Variants in SCN11A observed in about 807,000 individuals in gnomAD.
The protein encoded by SCN11A is sodium channel protein type 11 subunit alpha.
Under a neutral mutation model 162.2 loss-of-function variants are expected in SCN11A, and 122 were observed. The ratio of observed to expected loss-of-function variants is 0.75; its 90% CI spans 0.65 to 0.87. The LOEUF (loss-of-function observed/expected upper bound fraction) is 0.87, where lower values mean the gene tolerates loss of function less well. Ranked by LOEUF, SCN11A falls within the 40% of genes least tolerant of loss-of-function variation. The pLI is 0.00. For synonymous variants in SCN11A, 758 were observed against 751.5 expected, an observed-to-expected ratio of 1.01 and a Z score of -0.14; for missense variants, 2,015 against 2,181.6, an observed-to-expected ratio of 0.92 and a Z score of 1.52.
rs1553644472 is a variant in SCN11A at position 38,950,078 on chromosome 3, C to CCCCCCCCCCCCCCCCCCCG, written c.267+17_267+18insCGGGGGGGGGGGGGGGGGG. The CCCCCCCCCCCCCCCCCCCG allele has an allele frequency of 3.6e-5, 5 of 140,542 alleles. No individual in the cohort carries two copies. Among genetic ancestry groups the CCCCCCCCCCCCCCCCCCCG allele is most frequent in the Non-Finnish European group, 6.1e-5 (4 of 65,584 alleles). 8.7% of individuals were successfully genotyped at this position (140,542 alleles called of 1,614,324 possible). A position where few individuals can be genotyped will look rare whatever the true frequency, so the allele number is the denominator to read the frequency against. On this transcript the variant is annotated intron_variant, in intron 5 of 29. Transcript: ENST00000302328. ...GAACACCCCCACCCCCACCCCCCCC[C>CCCCCCCCCCCCCCCCCCCG]CCCGCCCAATGAAGTACCTTATGAT...
intron 2 of SCN11A, among the ~76,000 whole-genome samples, chr3:38,962,843 G>A (rs147526372): frequency 5.9e-4 from 90 of 151,596 alleles, no homozygotes; most frequent in African/African-American, 2.1e-3. Context: ...GTGAAACTCC[G>A]TCTAAAAATA....
At chr3:38,896,753 T>A (rs961662629) in intron 18 of SCN11A, 92 bp downstream of exon 18, 3 of 1,030,822 alleles carry the variant, frequency 2.9e-6, no homozygotes, top group Non-Finnish European at 4.0e-6. Flanking sequence ...AGAATAATAA[T>A]TTTTACTAGT....
intron 7 of SCN11A, among the ~76,000 whole-genome samples, chr3:38,935,711 G>T (rs1417371973): frequency 1.3e-5 from 2 of 152,122 alleles, no homozygotes; most frequent in Non-Finnish European, 1.5e-5. Context: ...CCAATAACAG[G>T]CTCTGAAACT....
chr3:38,882,470 C>T (rs1014794876), intron 22 of SCN11A, among the ~76,000 whole-genome samples: 1 of 152,080 alleles, frequency 6.6e-6, no homozygotes, highest in African/African-American at 2.4e-5. Flanking sequence ...TATTATTTAG[C>T]TCCACATTAC....
rs184482951 is a variant in SCN11A at position 38,908,703 on chromosome 3, T to C, written c.1299+294A>G. Among the ~76,000 whole-genome samples, 820 of 152,250 alleles carry C rather than the reference T, an allele frequency of 5.4e-3. 9 individuals are homozygous for C. Among genetic ancestry groups the C allele is most frequent in the African/African-American group, 0.019 (776 of 41,552 alleles). On this transcript the variant is annotated intron_variant, in intron 13 of 29. Transcript: ENST00000302328. ...CACAGCCTGGATTTACATATACTTA[T>C]GTTGTATCGTCTAGTCAGTAATTTA...
At position 38,908,712 on chromosome 3, in the gene SCN11A, G is replaced by A. The variant is rs9848916; in HGVS notation, c.1299+285C>T. 0.014 allele frequency among the ~76,000 whole-genome samples: 2,136 copies of A among 152,218 alleles called. 46 individuals are homozygous for A. Among genetic ancestry groups the A allele is most frequent in the African/African-American group, 0.047 (1,965 of 41,532 alleles). ...GATTTACATATACTTATGTTGTATC[G>A]TCTAGTCAGTAATTTAGGGCATGTC... On this transcript the variant is annotated intron_variant, in intron 13 of 29. Transcript: ENST00000302328.
At chr3:38,910,440 G>A (rs528893338) in intron 11 of SCN11A, among the ~76,000 whole-genome samples, 3 of 152,292 alleles carry the variant, frequency 2.0e-5, no homozygotes, top group East Asian at 3.9e-4. Context: ...ACAGTGACAC[G>A]TGAACAATGA....
At chr3:39,010,443 A>ATCTC (rs771115461) in intron 2 of SCN11A, among the ~76,000 whole-genome samples, 76 of 147,606 alleles carry the variant, frequency 5.1e-4, no homozygotes, top group Admixed American at 1.0e-3. Context: ...GCAGTGGCGC[A>ATCTC]TCTCTGCTCA....
At chr3:38,976,639 T>C (rs1008629320) in intron 2 of SCN11A, among the ~76,000 whole-genome samples, 1 of 152,198 alleles carries the variant, frequency 6.6e-6, no homozygotes, top group Admixed American at 6.5e-5. Flanking sequence ...TCCCAAGTAT[T>C]TTGGATAAGG....
chr3:38,916,764 C>G (rs772892939), intron 11 of SCN11A, among the ~76,000 whole-genome samples: 2 of 152,110 alleles, frequency 1.3e-5, no homozygotes, highest in Non-Finnish European at 2.9e-5. Context: ...TCTACTGGAA[C>G]CTCCTACTTA....
chr3:39,036,008 C>T (rs567519948), intron 1 of SCN11A, among the ~76,000 whole-genome samples: 133 of 152,344 alleles, frequency 8.7e-4, no homozygotes, highest in African/African-American at 3.1e-3. Flanking sequence ...ACCAGGTGGT[C>T]TGGTCCCCTG....
intron 26 of SCN11A, among the ~76,000 whole-genome samples, chr3:38,870,279 G>T (rs2065104125): frequency 6.6e-6 from 1 of 152,160 alleles, no homozygotes; most frequent in African/African-American, 2.4e-5. Context: ...CCATGCGAGG[G>T]TCTCCCTTGC....
rs2065865419 is a variant in SCN11A at position 38,910,124 on chromosome 3, G to T, written c.1043C>A (p.Ser348Tyr). 3 of 1,613,850 alleles carry T rather than the reference G, an allele frequency of 1.9e-6. No homozygotes were observed. Among genetic ancestry groups the T allele is most frequent in the Non-Finnish European group, 2.5e-6 (3 of 1,179,888 alleles). Residue 348 changes from serine (S) to tyrosine (Y), a missense_variant, in exon 12 of 30, where the codon TCT becomes TAT. Coordinates refer to ENST00000302328, the MANE Select transcript of SCN11A (RefSeq NM_001349253.2). Reference sequence around the variant, plus strand: ...CATCAGCCGGAACATGGCAAGAAAAGACCAGCCAAAGTTGTCAAAATTCGT... The same window carrying T: ...CATCAGCCGGAACATGGCAAGAAAATACCAGCCAAAGTTGTCAAAATTCGT... ...NYTNFDNFGWSFLAMFRLMTQ... is the reference protein window; with the variant it reads ...NYTNFDNFGWYFLAMFRLMTQ...
In SCN11A at chr3:38,872,282, T is replaced by C; in HGVS notation, c.3406A>G (p.Thr1136Ala). 6.3e-7 allele frequency: 1 copy of C among 1,598,664 alleles called. No homozygotes were observed. Among genetic ancestry groups the C allele is most frequent in the South Asian group, 1.1e-5 (1 of 90,748 alleles). ...DFIIVIVSVT[T>A]LINLMELKSF... The stretch of plus-strand genomic sequence containing the variant: ...TTCAATTCCATTAAGTTAATGAGGG[T>C]GGTCACAGAGACCTGATGGGAAGAG... The change falls in exon 24 of 30, where the codon ACC (threonine) becomes GCC (alanine). Residue 1136 changes from threonine (T) to alanine (A), a missense_variant. Transcript: ENST00000302328.
intron 1 of SCN11A, among the ~76,000 whole-genome samples, 150 bp downstream of exon 1, chr3:39,051,711 T>C (rs2032386507): frequency 6.6e-6 from 1 of 152,106 alleles, no homozygotes; most frequent in Admixed American, 6.5e-5. Context: ...TTCGTTTTGC[T>C]TGGGCCTCTC....
intron 2 of SCN11A, among the ~76,000 whole-genome samples, chr3:39,028,198 A>C (rs1461127176): frequency 6.6e-6 from 1 of 152,188 alleles, no homozygotes; most frequent in Non-Finnish European, 1.5e-5. Context: ...ACCCCAGACC[A>C]CCCATCTGGT....
intron 28 of SCN11A, among the ~76,000 whole-genome samples, chr3:38,856,645 T>C (rs1177684735): frequency 1.3e-5 from 2 of 152,170 alleles, no homozygotes; most frequent in African/African-American, 4.8e-5. Flanking sequence ...CCATAGCCAA[T>C]GCCTACTCAG....
At chr3:38,923,407 CTGAATCCTTTCCCTT>C (rs1559534439) in intron 9 of SCN11A, among the ~76,000 whole-genome samples, 4 of 152,228 alleles carry the variant, frequency 2.6e-5, no homozygotes, top group African/African-American at 9.6e-5. Flanking sequence ...TAATTTCCTG[CTGAATCCTTTCCCTT>C]GGTGGTCTCA....
At chr3:39,036,572 T>C (rs1450427106) in intron 1 of SCN11A, among the ~76,000 whole-genome samples, 7 of 152,026 alleles carry the variant, frequency 4.6e-5, no homozygotes, top group South Asian at 4.1e-4. Flanking sequence ...AGAGAATACA[T>C]AGAACGGGAA....
Sources: gnomAD v4.1 joint callset for allele counts (sites outside exome capture counted in the v4.1 genomes callset) on GRCh38, gnomAD v4.1.1 for gene constraint, MANE v1.5 for transcripts, NCBI Gene and HGNC (gene_info 2026-07-23, HGNC 2026-07-21) for gene names.